OPHN1: variants seen among roughly 807,000 people sequenced by gnomAD.
OPHN1 encodes oligophrenin 1.
Under a neutral mutation model 60.7 loss-of-function variants are expected in OPHN1, and 11 were observed. The observed-to-expected ratio is 0.18, with a 90% confidence interval of 0.11 to 0.30. The LOEUF (loss-of-function observed/expected upper bound fraction) is 0.30. OPHN1 is among the 10% of genes least tolerant of loss of function. The pLI is 1.00. For synonymous variants in OPHN1, 226 were observed against 222.6 expected, an observed-to-expected ratio of 1.02 and a Z score of -0.14; for missense variants, 449 against 611.0, an observed-to-expected ratio of 0.73 and a Z score of 2.80.
chrX:68,056,041 ATATAT>A (rs2076871685), intron 21 of OPHN1, among the ~76,000 whole-genome samples: 2 of 111,200 alleles, frequency 1.8e-5, no homozygotes, highest in Non-Finnish European at 3.8e-5. Context: ...AATATGGCAC[ATATAT>A]ACATATGTAA....
intron 15 of OPHN1, among the ~76,000 whole-genome samples, chrX:68,156,783 G>A (rs1301858870): frequency 9.0e-6 from 1 of 111,479 alleles, no homozygotes; most frequent in East Asian, 2.8e-4. Context: ...ACATATGAAA[G>A]AAGAAATGAA....
At chrX:68,084,871 A>G (rs2076989594) in intron 19 of OPHN1, among the ~76,000 whole-genome samples, 1 of 112,078 alleles carries the variant, frequency 8.9e-6, no homozygotes, top group South Asian at 3.8e-4. Flanking sequence ...ACTCTCTTTA[A>G]GTGAGAAAAG....
chrX:68,357,276 A>G (rs5965560), intron 2 of OPHN1, among the ~76,000 whole-genome samples: 13,418 of 111,019 alleles, frequency 0.12, 1,729 homozygotes, highest in African/African-American at 0.39. Context: ...TTATACTTTA[A>G]GTTCTAGGGT....
At chrX:68,227,708 C>T (rs1307369431) in intron 6 of OPHN1, among the ~76,000 whole-genome samples, 2 of 111,000 alleles carry the variant, frequency 1.8e-5, no homozygotes, top group Non-Finnish European at 3.8e-5. Context: ...TTGAAACCAA[C>T]GAGAACAAGA....
rs111526052 is a variant in OPHN1, at chrX:68,419,157, G to C, written c.154+13710C>G. On this transcript the variant is annotated intron_variant, in intron 2 of 24. Coordinates refer to ENST00000355520, the MANE Select transcript of OPHN1 (RefSeq NM_002547.3). ...GAAGTAGCTGGGATTACAGGTGCCT[G>C]CCACCATGCCCAGCTAATTTTTTTT... Among the ~76,000 whole-genome samples the C allele has an allele frequency of 4.2e-3, 463 of 110,113 alleles. 4 individuals carry two copies. The highest frequency in any genetic ancestry group is 0.015 in the African/African-American group (447 of 30,263).
chrX:68,120,450 T>C (rs2077146050), intron 15 of OPHN1, among the ~76,000 whole-genome samples: 1 of 111,785 alleles, frequency 8.9e-6, no homozygotes, highest in Non-Finnish European at 1.9e-5. Context: ...AGTGAATAAC[T>C]GCTATACTAA....
chrX:68,282,252 G>A (rs1243046787), intron 4 of OPHN1, among the ~76,000 whole-genome samples: 1 of 111,044 alleles, frequency 9.0e-6, no homozygotes, highest in African/African-American at 3.3e-5. Context: ...TAAATGACAG[G>A]AAAATAAAAT....
chrX:68,226,755 A>G (rs959789614), intron 6 of OPHN1, among the ~76,000 whole-genome samples: 31 of 111,707 alleles, frequency 2.8e-4, no homozygotes, highest in Non-Finnish European at 4.7e-4. Flanking sequence ...AGGAACAACC[A>G]GTACCAGCCA....
At chrX:68,232,294 C>T (rs923601940) in intron 6 of OPHN1, among the ~76,000 whole-genome samples, 1 of 111,473 alleles carries the variant, frequency 9.0e-6, no homozygotes, top group Non-Finnish European at 1.9e-5. Context: ...CATAGTAGTA[C>T]TCACAGCTAA....
chrX:68,208,582 A>G (rs1282207440), intron 9 of OPHN1, among the ~76,000 whole-genome samples: 4 of 112,316 alleles, frequency 3.6e-5, no homozygotes, highest in South Asian at 3.7e-4. Context: ...TGGTTGATTC[A>G]GTTTTTCAAG....
At chrX:68,242,082 TCA>T (rs1259129830) in intron 5 of OPHN1, among the ~76,000 whole-genome samples, 1 of 109,954 alleles carries the variant, frequency 9.1e-6, no homozygotes, top group Non-Finnish European at 1.9e-5. Context: ...AAATATGACT[TCA>T]CAGTTATTAG....
intron 15 of OPHN1, among the ~76,000 whole-genome samples, chrX:68,184,590 TG>T (rs1450817927): frequency 9.0e-6 from 1 of 110,787 alleles, no homozygotes; most frequent in African/African-American, 3.3e-5. Context: ...CAAATGTTTT[TG>T]TTTTGATTTG....
At chrX:68,226,114 G>A (rs1331996649) in intron 6 of OPHN1, among the ~76,000 whole-genome samples, 1 of 111,784 alleles carries the variant, frequency 8.9e-6, no homozygotes, top group Non-Finnish European at 1.9e-5. Context: ...TCGATCAAAT[G>A]GAAGAAACGG....
In OPHN1 at chrX:68,304,787, C is replaced by T. The variant is rs188293563; in HGVS notation, c.155-5691G>A. ...ATACAGCTACAACAGCTGTGAAAAT[C>T]AACAGCTTAGCAGCCACTAGAGAAG... is the stretch of plus-strand genomic sequence containing the variant. On this transcript the variant is annotated intron_variant, in intron 2 of 24. Coordinates refer to ENST00000355520, the MANE Select transcript of OPHN1 (RefSeq NM_002547.3). Among the ~76,000 whole-genome samples the T allele has an allele frequency of 4.5e-5, 5 of 111,387 alleles. No homozygotes were observed. In the Admixed American group the frequency reaches 4.8e-4, roughly 11 times the overall value.
chrX:68,064,173 T>C lies in OPHN1; in HGVS notation c.1839A>G (p.Glu613=), dbSNP rs146588152. 265 of 1,208,959 alleles carry C rather than the reference T, an allele frequency of 2.2e-4. 1 individual carries two copies. The African/African-American group carries it at 4.2e-3, about 19-fold the overall frequency. Residue 613 remains glutamate, a synonymous_variant, in exon 21 of 25, where the codon GAA becomes GAG. Coordinates refer to ENST00000355520, the MANE Select transcript of OPHN1 (RefSeq NM_002547.3). ...TACCATTCGGTGTTTGATGTTGGAT[T>C]TCATCTAGGAAAAGTTGGTGCCAAG... The part of the protein sequence containing the change: ...YTSSLDESED[E]IQHQTPNGTI...
At chrX:68,317,575 G>GAAAGAA (rs1341092923) in intron 2 of OPHN1, among the ~76,000 whole-genome samples, 30 of 72,113 alleles carry the variant, frequency 4.2e-4, no homozygotes, top group South Asian at 6.6e-4. Context: ...AAGAAAGAAA[G>GAAAGAA]AGAAAGAAAG....
chrX:68,389,255 C>G, intron 2 of OPHN1, among the ~76,000 whole-genome samples: 1 of 108,749 alleles, frequency 9.2e-6, no homozygotes, highest in East Asian at 3.0e-4. Flanking sequence ...CCACACCTGG[C>G]CAGAACATGT....
chrX:68,382,659 T>C (rs1448967489), intron 2 of OPHN1, among the ~76,000 whole-genome samples: 1 of 111,796 alleles, frequency 8.9e-6, no homozygotes, highest in Non-Finnish European at 1.9e-5. Context: ...ACAAGGTTTC[T>C]TTTTGGAGTG....
chrX:68,386,863 G>A (rs188954529), intron 2 of OPHN1, among the ~76,000 whole-genome samples: 2 of 112,129 alleles, frequency 1.8e-5, no homozygotes, highest in East Asian at 5.6e-4. Context: ...CTTGCTAAGG[G>A]TCAGCTGTGT....
Sources: gnomAD v4.1 joint callset for allele counts (sites outside exome capture counted in the v4.1 genomes callset) on GRCh38, gnomAD v4.1.1 for gene constraint, MANE v1.5 for transcripts, NCBI Gene and HGNC (gene_info 2026-07-23, HGNC 2026-07-21) for gene names.